UCK2: variants seen among roughly 807,000 people sequenced by gnomAD.
The protein encoded by UCK2 is cytidine monophosphokinase 2.
UCK2 carries 6 observed loss-of-function variants against 30.8 expected under a neutral mutation model. The observed-to-expected ratio is 0.19, with a 90% CI of 0.11 to 0.38. UCK2 has a LOEUF of 0.38. Among genes scored for constraint, UCK2 ranks in the 10% least tolerant of loss-of-function variants. The probability of loss-of-function intolerance (pLI) is 1.00; values close to 1 mark genes in which losing one functional copy is unlikely to be tolerated. For synonymous variants in UCK2, 125 were observed against 133.6 expected (o/e 0.94, Z 0.45); for missense variants, 210 against 339.8 (o/e 0.62, Z 3.00).
chr1:165,897,119 AG>A (rs1323247078), intron 4 of UCK2, among the ~76,000 whole-genome samples: 2 of 152,104 alleles, frequency 1.3e-5, no homozygotes, highest in Non-Finnish European at 2.9e-5. Context: ...TTGTTCCGAG[AG>A]TGGCAGGAAC....
intron 1 of UCK2, 107 bp downstream of exon 1, chr1:165,828,039 C>A: frequency 2.5e-6 from 2 of 805,444 alleles, no homozygotes; most frequent in Non-Finnish European, 3.2e-6. Flanking sequence ...CCGCGTGGCC[C>A]GCGCGCCTCC....
chr1:165,849,079 C>T (rs148442000), intron 1 of UCK2, among the ~76,000 whole-genome samples: 8 of 152,242 alleles, frequency 5.3e-5, no homozygotes, highest in South Asian at 2.1e-4. Flanking sequence ...CAAAGTGAAA[C>T]GCCATTTCTT....
chr1:165,846,449 A>G (rs1174509389), intron 1 of UCK2, among the ~76,000 whole-genome samples: 1 of 139,724 alleles, frequency 7.2e-6, no homozygotes, highest in Non-Finnish European at 1.6e-5. Flanking sequence ...TTTTTTTTAA[A>G]CAAAACAAAA....
At chr1:165,839,385 C>T (rs1571264716) in intron 1 of UCK2, among the ~76,000 whole-genome samples, 1 of 152,124 alleles carries the variant, frequency 6.6e-6, no homozygotes. Context: ...CTGAAGTGGG[C>T]ATCAGATTGG....
chr1:165,878,552 GC>G (rs1655397697), intron 1 of UCK2, among the ~76,000 whole-genome samples: 1 of 151,970 alleles, frequency 6.6e-6, no homozygotes, highest in African/African-American at 2.4e-5. Flanking sequence ...GGCCATGTTG[GC>G]CAGAGTGGTC....
intron 1 of UCK2, among the ~76,000 whole-genome samples, chr1:165,883,009 A>T (rs1246008632): frequency 6.6e-6 from 1 of 152,088 alleles, no homozygotes; most frequent in Non-Finnish European, 1.5e-5. Context: ...TATTTTTAGT[A>T]GAGACCGGGT....
chr1:165,881,737 A>ATT (rs1655505942), intron 1 of UCK2, among the ~76,000 whole-genome samples: 1 of 152,242 alleles, frequency 6.6e-6, no homozygotes, highest in Non-Finnish European at 1.5e-5. Flanking sequence ...CACTCAGTTA[A>ATT]TTTTGAACCA....
Position 165,907,766 on chromosome 1 carries a change from C to T in UCK2, c.729C>T (p.Asn243=), listed in dbSNP as rs113225450. 317 of 1,614,174 alleles carry T rather than the reference C, an allele frequency of 2.0e-4. 1 individual carries two copies. Among genetic ancestry groups the T allele is most frequent in the Middle Eastern group, 8.2e-4 (5 of 6,062 alleles). Residue 243 remains asparagine (N), a synonymous_variant, in exon 7 of 7, where the codon AAC becomes AAT. Transcript: ENST00000367879. ...AACGGCAGACCAATGGCTGTCTCAACGGCTACACCCCTTCACGCAAGAGGC... is the reference window on the plus strand; with the variant it reads ...AACGGCAGACCAATGGCTGTCTCAATGGCTACACCCCTTCACGCAAGAGGC... ...PSKRQTNGCL[N]GYTPSRKRQA... is the part of the protein sequence containing the mutation.
In UCK2 at chr1:165,907,872, G is replaced by A; in HGVS notation, c.*49G>A. 1 of 1,605,050 alleles carries A rather than the reference G, an allele frequency of 6.2e-7. No homozygotes were observed. ...CCTATCTCCAAGAGACAGAGGAGGG[G>A]TCAGGAGGCACTGCTCATCTGTACA... On this transcript the variant is annotated 3_prime_UTR_variant, in exon 7 of 7. Coordinates refer to ENST00000367879, the MANE Select transcript of UCK2 (RefSeq NM_012474.5).
intron 4 of UCK2, 32 bp downstream of exon 4, chr1:165,896,364 G>T: frequency 6.2e-7 from 1 of 1,612,478 alleles, no homozygotes; most frequent in Non-Finnish European, 8.5e-7. Flanking sequence ...TGGCCCTGTT[G>T]GTGGCCACCT....
intron 1 of UCK2, among the ~76,000 whole-genome samples, chr1:165,845,724 GT>G (rs1250967889): frequency 6.6e-6 from 1 of 152,210 alleles, no homozygotes; most frequent in African/African-American, 2.4e-5. Context: ...CTGGAGTGCA[GT>G]GGCATGATCA....
Position 165,907,989 on chromosome 1 carries a change from A to G in UCK2, c.*166A>G. 1.0e-6 allele frequency: 1 copy of G among 1,000,294 alleles called. No homozygotes were observed. The highest frequency in any genetic ancestry group is 1.4e-6 in the Non-Finnish European group (1 of 717,052). The allele number at this position is 1,000,294 out of a possible 1,614,324, so 62.0% of individuals were successfully genotyped here. Reference sequence around the variant, plus strand: ...TTTTCTTTTTGTACTTTGGAACGACAAAATGAAACAGAACTTGACCCTGAG... The same window carrying G: ...TTTTCTTTTTGTACTTTGGAACGACGAAATGAAACAGAACTTGACCCTGAG... On this transcript the variant is annotated 3_prime_UTR_variant, in exon 7 of 7. Coordinates refer to ENST00000367879, the MANE Select transcript of UCK2 (RefSeq NM_012474.5).
At chr1:165,905,816 G>A (rs1225168785) in intron 5 of UCK2, 105 bp from the exon 6 acceptor site, 38 of 989,450 alleles carry the variant, frequency 3.8e-5, no homozygotes, top group Admixed American at 3.1e-4. Flanking sequence ...GCTCTTCTGG[G>A]CTCGCTAGTA....
At chr1:165,890,759 G>T in intron 2 of UCK2, 1 of 246,916 alleles carries the variant, frequency 4.0e-6, no homozygotes, top group Non-Finnish European at 8.0e-6. Flanking sequence ...GAGATGGAGG[G>T]GCAGGGTGGC....
chr1:165,836,220 C>T (rs1324910645), intron 1 of UCK2, among the ~76,000 whole-genome samples: 7 of 150,288 alleles, frequency 4.7e-5, no homozygotes, highest in South Asian at 2.1e-4. Flanking sequence ...AAGAGCAAGA[C>T]TCCGTCTCAA....
At chr1:165,882,597 G>A (rs766092287) in intron 1 of UCK2, among the ~76,000 whole-genome samples, 3 of 152,150 alleles carry the variant, frequency 2.0e-5, no homozygotes, top group African/African-American at 4.8e-5. Context: ...GGTGAGGGCC[G>A]CTGTCTGCTT....
chr1:165,856,295 T>C (rs571681191), intron 1 of UCK2, among the ~76,000 whole-genome samples: 6 of 152,128 alleles, frequency 3.9e-5, no homozygotes, highest in East Asian at 3.9e-4. Context: ...GTGGGGCCCA[T>C]TGAAGCAGTA....
intron 1 of UCK2, among the ~76,000 whole-genome samples, chr1:165,861,627 C>CAAAAAAAAAA (rs1223282712): frequency 3.1e-4 from 5 of 15,882 alleles, no homozygotes; most frequent in Non-Finnish European, 4.7e-4. Flanking sequence ...GACTCCGTCT[C>CAAAAAAAAAA]AAAAAAAAAA....
chr1:165,858,257 G>T (rs79096567), intron 1 of UCK2, among the ~76,000 whole-genome samples: 5,466 of 152,214 alleles, frequency 0.036, 327 homozygotes, highest in African/African-American at 0.13. Context: ...TAGAGGCTCA[G>T]AGAGGTTAAG....
Sources: allele counts gnomAD v4.1 joint callset (sites outside exome capture counted in the v4.1 genomes callset), GRCh38; gene constraint gnomAD v4.1.1; transcripts MANE v1.5; gene names NCBI Gene and HGNC (gene_info 2026-07-23, HGNC 2026-07-21).